Variants in CEP85L observed in about 807,000 individuals in gnomAD.
CEP85L encodes centrosomal protein 85L.
CEP85L carries 60 observed loss-of-function variants against 100.3 expected under a neutral mutation model. The observed-to-expected ratio is 0.60, with a 90% CI of 0.49 to 0.74. The LOEUF is 0.74. Among genes scored for constraint, CEP85L ranks in the 30% least tolerant of loss-of-function variants. CEP85L has a pLI of 0.00. For synonymous variants in CEP85L, 319 were observed against 322.7 expected (o/e 0.99, Z 0.12); for missense variants, 973 against 936.2 (o/e 1.04, Z -0.51).
chr6:118,600,300 G>GGGT lies in CEP85L; in HGVS notation c.232+32152_232+32153insACC, dbSNP rs1562297733. On this transcript the variant is annotated intron_variant, in intron 2 of 12. Transcript: ENST00000368491. The stretch of plus-strand genomic sequence containing the variant: ...CTGCCTGTCCCTGAGCCTTCCTGGG[G>GGGT]GTGTGTGTGTGTGTGTGTGTGTGTG... Among the ~76,000 whole-genome samples, 111 of 52,244 alleles carry GGGT rather than the reference G, an allele frequency of 2.1e-3. 19 individuals are homozygous for GGGT. Among genetic ancestry groups the GGGT allele is most frequent in the South Asian group, 3.5e-3 (5 of 1,420 alleles). 34.3% of individuals were successfully genotyped at this position (52,244 alleles called of 152,430 possible). A position where few individuals can be genotyped will look rare whatever the true frequency, so the allele number is the denominator to read the frequency against.
At chr6:118,559,058 G>GT in intron 3 of CEP85L, 1 of 1,611,822 alleles carries the variant, frequency 6.2e-7, no homozygotes, top group Non-Finnish European at 8.5e-7. Context: ...TTGCTGATCT[G>GT]TATCATCGTG....
chr6:118,568,440 G>C (rs116988609), intron 2 of CEP85L, among the ~76,000 whole-genome samples: 2,450 of 152,258 alleles, frequency 0.016, 35 homozygotes, highest in Non-Finnish European at 0.027. Flanking sequence ...AAAAGAATGT[G>C]GCTGTATAAC....
At chr6:118,493,203 GC>G (rs1562196136) in intron 5 of CEP85L, among the ~76,000 whole-genome samples, 1 of 152,116 alleles carries the variant, frequency 6.6e-6, no homozygotes, top group African/African-American at 2.4e-5. Flanking sequence ...AAAGGAACAG[GC>G]ATTCTAGAAA....
intron 1 of CEP85L, among the ~76,000 whole-genome samples, chr6:118,693,356 C>T (rs569940479): frequency 6.6e-6 from 1 of 152,244 alleles, no homozygotes; most frequent in African/African-American, 2.4e-5. Flanking sequence ...ATTTTTTATA[C>T]CAGCTGGAGA....
intron 2 of CEP85L, among the ~76,000 whole-genome samples, chr6:118,568,381 T>A (rs1779674077): frequency 6.6e-6 from 1 of 152,204 alleles, no homozygotes; most frequent in Non-Finnish European, 1.5e-5. Flanking sequence ...AACCAGCCAG[T>A]AAACAACTTC....
chr6:118,573,964 CTA>C (rs1444137819), intron 2 of CEP85L: 4 of 152,192 alleles, frequency 2.6e-5, no homozygotes, highest in Non-Finnish European at 4.4e-5. Flanking sequence ...TAATAACAAA[CTA>C]AGAAATTTAT....
At chr6:118,493,854 CAGAA>C (rs1210614792) in intron 5 of CEP85L, among the ~76,000 whole-genome samples, 3 of 151,806 alleles carry the variant, frequency 2.0e-5, no homozygotes, top group African/African-American at 7.3e-5. Context: ...GGACACCAGG[CAGAA>C]AGATAGATAT....
intron 3 of CEP85L, among the ~76,000 whole-genome samples, chr6:118,560,967 A>G (rs748655513): frequency 2.0e-5 from 3 of 152,222 alleles, no homozygotes; most frequent in Non-Finnish European, 2.9e-5. Flanking sequence ...GTAATTAACC[A>G]TATCTTCTAA....
At chr6:118,574,864 C>T (rs1583084540) in intron 2 of CEP85L, among the ~76,000 whole-genome samples, 1 of 152,068 alleles carries the variant, frequency 6.6e-6, no homozygotes, top group South Asian at 2.1e-4. Context: ...CCTGATATGC[C>T]TTAGGGTAGC....
At chr6:118,632,146 C>T (rs1443572678) in intron 2 of CEP85L, among the ~76,000 whole-genome samples, 2 of 152,120 alleles carry the variant, frequency 1.3e-5, no homozygotes, top group Admixed American at 6.6e-5. Flanking sequence ...CCCGCCACCA[C>T]GTCCAGCTAA....
In CEP85L at chr6:118,531,591, G is replaced by C. The variant is rs984554761; in HGVS notation, c.1021-7671C>G. Reference sequence around the variant, plus strand: ...TAAACAAACACCCTACAGAATAGGAGAAGATATTTGCAAACTATGCATCCA... The same window carrying C: ...TAAACAAACACCCTACAGAATAGGACAAGATATTTGCAAACTATGCATCCA... On this transcript the variant is annotated intron_variant, in intron 3 of 12. Coordinates refer to ENST00000368491, the MANE Select transcript of CEP85L (RefSeq NM_001042475.3). Among the ~76,000 whole-genome samples, 5 of 152,194 alleles carry C rather than the reference G, an allele frequency of 3.3e-5. No homozygotes were observed. In the South Asian group the frequency reaches 6.2e-4, roughly 19 times the overall value.
Position 118,511,243 on chromosome 6 carries a change from A to G in CEP85L, c.1257+55T>C. 5.9e-6 allele frequency: 6 copies of G among 1,020,904 alleles called. No individual in the cohort carries two copies. The South Asian group carries it at 7.9e-5, about 13-fold the overall frequency. The allele number at this position is 1,020,904 out of a possible 1,614,324, so 63.2% of individuals were successfully genotyped here. A position where few individuals can be genotyped will look rare whatever the true frequency, so the allele number is the denominator to read the frequency against. ...TGTCCTTATATTACAAGGTAAGTAT[A>G]TTATTAACACAAGCTTTACTACTAA... On this transcript the variant is annotated intron_variant, in intron 5 of 12. Coordinates refer to ENST00000368491, the MANE Select transcript of CEP85L (RefSeq NM_001042475.3).
intron 3 of CEP85L, among the ~76,000 whole-genome samples, chr6:118,534,602 C>T (rs1777480935): frequency 1.3e-5 from 2 of 151,934 alleles, no homozygotes; most frequent in Non-Finnish European, 2.9e-5. Flanking sequence ...GTATTATTGA[C>T]ATAAGGATAG....
In CEP85L at chr6:118,690,015, A is replaced by G. The variant is rs116514965; in HGVS notation, c.-28+20021T>C. ...GCAATCCTCCTGCCTTGGTGTGCCAAAATGCTGGATTACAGGCATGAGCCA... is the reference window on the plus strand; with the variant it reads ...GCAATCCTCCTGCCTTGGTGTGCCAGAATGCTGGATTACAGGCATGAGCCA... On this transcript the variant is annotated intron_variant, in intron 1 of 13. Coordinates refer to the CEP85L transcript ENST00000368488. Among the ~76,000 whole-genome samples the G allele has an allele frequency of 9.6e-3, 1,458 of 151,904 alleles. 23 individuals are homozygous for G. Among genetic ancestry groups the G allele is most frequent in the African/African-American group, 0.034 (1,407 of 41,402 alleles).
intron 3 of CEP85L, among the ~76,000 whole-genome samples, chr6:118,553,621 GA>G (rs1275744002): frequency 2.6e-5 from 4 of 152,146 alleles, no homozygotes; most frequent in African/African-American, 7.2e-5. Flanking sequence ...AATCTGACAA[GA>G]AACAGGATAC....
chr6:118,605,181 G>T (rs529937997), intron 2 of CEP85L, among the ~76,000 whole-genome samples: 3 of 152,226 alleles, frequency 2.0e-5, no homozygotes, highest in South Asian at 4.2e-4. Context: ...AAAATTAAGG[G>T]TGCCATTTTA....
rs56893664 is a variant in CEP85L, at chr6:118,505,409, C to CAAAAAAAA, written c.1257+5881_1257+5888dup. Reference sequence around the variant, plus strand: ...TGAGCCAAGATCACGTCACTGTACTCAAAAAAAAAAAAAAAAAAAAAAAAA... The same window carrying CAAAAAAAA: ...TGAGCCAAGATCACGTCACTGTACTCAAAAAAAAAAAAAAAAAAAAAAAAAAAAAAAAA... On this transcript the variant is annotated intron_variant, in intron 5 of 12. Coordinates refer to ENST00000368491, the MANE Select transcript of CEP85L (RefSeq NM_001042475.3). 3.0e-3 allele frequency among the ~76,000 whole-genome samples: 214 copies of CAAAAAAAA among 71,768 alleles called. 19 individuals are homozygous for CAAAAAAAA. Among genetic ancestry groups the CAAAAAAAA allele is most frequent in the Middle Eastern group, 0.022 (2 of 92 alleles). The allele number at this position is 71,768 out of a possible 152,430, so 47.1% of individuals were successfully genotyped here. A position where few individuals can be genotyped will look rare whatever the true frequency, so the allele number is the denominator to read the frequency against.
intron 3 of CEP85L, among the ~76,000 whole-genome samples, chr6:118,557,003 T>C (rs759582360): frequency 1.3e-4 from 20 of 152,288 alleles, no homozygotes; most frequent in Non-Finnish European, 1.8e-4. Context: ...TGGAAACTAC[T>C]ACTATTAAGT....
At chr6:118,630,475 C>T (rs894641621) in intron 2 of CEP85L, among the ~76,000 whole-genome samples, 14 of 152,160 alleles carry the variant, frequency 9.2e-5, no homozygotes, top group African/African-American at 3.1e-4. Context: ...CACACAAAAA[C>T]CTACACACGG....
Sources: allele counts gnomAD v4.1 joint callset (sites outside exome capture counted in the v4.1 genomes callset), GRCh38; gene constraint gnomAD v4.1.1; transcripts MANE v1.5; gene names NCBI Gene and HGNC (gene_info 2026-07-23, HGNC 2026-07-21).